Variants in MTRF1 observed in about 807,000 individuals in gnomAD.
The protein encoded by MTRF1 is peptide chain release factor 1, mitochondrial.
MTRF1 carries 51 observed loss-of-function variants against 62.9 expected under a neutral mutation model. The ratio of observed to expected loss-of-function variants is 0.81; its 90% CI spans 0.65 to 1.02. The LOEUF (loss-of-function observed/expected upper bound fraction) is 1.02. Ranked by LOEUF, MTRF1 falls within the 50% of genes least tolerant of loss-of-function variation. The probability of loss-of-function intolerance (pLI) is 0.00; values close to 1 mark genes in which losing one functional copy is unlikely to be tolerated. For synonymous variants in MTRF1, 158 were observed against 181.9 expected (o/e 0.87, Z 1.06); for missense variants, 446 against 530.0 (o/e 0.84, Z 1.56).
At chr13:41,294,656 G>A in the MTRF1 span, among the ~76,000 whole-genome samples, 6 of 152,046 alleles carry the variant, frequency 3.9e-5, no homozygotes, top group African/African-American at 1.4e-4. Context: ...AACTTTATAT[G>A]GTAAATTTGT....
At position 41,232,369 on chromosome 13, in the gene MTRF1, G is replaced by A. The variant is rs139126797; in HGVS notation, c.988+1521C>T. Among the ~76,000 whole-genome samples, 829 of 152,184 alleles carry A rather than the reference G, an allele frequency of 5.4e-3. 8 individuals are homozygous for A. The highest frequency in any genetic ancestry group is 0.018 in the African/African-American group (747 of 41,538). On this transcript the variant is annotated intron_variant, in intron 7 of 9. Transcript: ENST00000379480. ...CAATATGAGGAAAAAACAAATTCAA[G>A]AGGTCTAATATCTAACTAATAGAAA...
chr13:41,224,260 G>A (rs1395205111), intron 8 of MTRF1, among the ~76,000 whole-genome samples: 1 of 152,020 alleles, frequency 6.6e-6, no homozygotes, highest in East Asian at 1.9e-4. Context: ...CACTGTACTT[G>A]GAATGTTCTT....
intron 1 of MTRF1, among the ~76,000 whole-genome samples, 171 bp from the exon 2 acceptor site, chr13:41,261,086 C>G (rs1358620193): frequency 6.6e-6 from 1 of 152,234 alleles, no homozygotes; most frequent in African/African-American, 2.4e-5. Flanking sequence ...GTAATCCCAG[C>G]ACTTTGGGAG....
rs750031045 is a variant in MTRF1, at chr13:41,252,772, AT to A, written c.590-21del. On this transcript the variant is annotated intron_variant, in intron 4 of 9. Transcript: ENST00000379480. ...TGTCACCTAAAACAAAATACGAAAA[AT>A]ATTTAGTCAGGACAAATTTCGGAAA... 6.8e-6 allele frequency: 11 copies of A among 1,605,930 alleles called. No homozygotes were observed. Among genetic ancestry groups the A allele is most frequent in the Non-Finnish European group, 9.4e-6 (11 of 1,173,446 alleles).
chr13:41,225,766 G>A (rs918490095), intron 8 of MTRF1, among the ~76,000 whole-genome samples: 23 of 143,028 alleles, frequency 1.6e-4, no homozygotes, highest in Non-Finnish European at 2.7e-4. Flanking sequence ...CCAAGATTAC[G>A]CCACTGCACT....
intron 9 of MTRF1, among the ~76,000 whole-genome samples, chr13:41,218,846 G>A (rs1353088898): frequency 7.9e-5 from 12 of 152,088 alleles, no homozygotes; most frequent in Non-Finnish European, 1.8e-4. Flanking sequence ...TTAAGGTAAA[G>A]GATATATCTT....
At chr13:41,251,392 C>T (rs2039042991) in intron 5 of MTRF1, among the ~76,000 whole-genome samples, 1 of 152,116 alleles carries the variant, frequency 6.6e-6, no homozygotes, top group Non-Finnish European at 1.5e-5. Flanking sequence ...ATGCAATTTT[C>T]AACAGCTTCC....
chr13:41,256,770 G>A lies in MTRF1; in HGVS notation c.416-2150C>T, dbSNP rs115727194. Among the ~76,000 whole-genome samples, 1,438 of 152,164 alleles carry A rather than the reference G, an allele frequency of 9.5e-3. 21 individuals are homozygous for A. Among genetic ancestry groups the A allele is most frequent in the African/African-American group, 0.033 (1,354 of 41,508 alleles). ...TTTGCAATCATATAAAATTATTTTT[G>A]TGTTCTCTTATTATTTGCTGTAAAC... On this transcript the variant is annotated intron_variant, in intron 2 of 9. Coordinates refer to ENST00000379480, the MANE Select transcript of MTRF1 (RefSeq NM_004294.4).
At chr13:41,290,089 CTTTTTTT>C in the MTRF1 span, among the ~76,000 whole-genome samples, 14 of 78,496 alleles carry the variant, frequency 1.8e-4, no homozygotes, top group African/African-American at 2.5e-4. Flanking sequence ...TGTAATAGTT[CTTTTTTT>C]TTTTTTTTTT....
chr13:41,241,698 A>T (rs1275643217), intron 5 of MTRF1, among the ~76,000 whole-genome samples: 1 of 152,214 alleles, frequency 6.6e-6, no homozygotes, highest in Non-Finnish European at 1.5e-5. Context: ...TTTCCTACAA[A>T]TGATCTGGTG....
chr13:41,289,522 C>T, the MTRF1 span, among the ~76,000 whole-genome samples: 4 of 152,166 alleles, frequency 2.6e-5, no homozygotes, highest in Non-Finnish European at 5.9e-5. Context: ...AGGCGTGAGC[C>T]GCCGTGCCCA....
chr13:41,266,725 G>T (rs1418138936), upstream of MTRF1, among the ~76,000 whole-genome samples: 1 of 152,100 alleles, frequency 6.6e-6, no homozygotes, highest in African/African-American at 2.4e-5. Flanking sequence ...CGGGCGCAGT[G>T]GCTCACGCCT....
At chr13:41,225,584 T>C (rs1193292647) in intron 8 of MTRF1, among the ~76,000 whole-genome samples, 2 of 152,092 alleles carry the variant, frequency 1.3e-5, no homozygotes, top group African/African-American at 4.8e-5. Flanking sequence ...AGATGAAAAG[T>C]ATAACTAATG....
At chr13:41,302,174 C>T in the MTRF1 span, among the ~76,000 whole-genome samples, 3 of 151,836 alleles carry the variant, frequency 2.0e-5, no homozygotes, top group Admixed American at 6.6e-5. Context: ...TTACAGGTAC[C>T]CACCACCACC....
At chr13:41,280,839 T>C in the MTRF1 span, among the ~76,000 whole-genome samples, 1 of 152,208 alleles carries the variant, frequency 6.6e-6, no homozygotes, top group Non-Finnish European at 1.5e-5. Context: ...ATCAGGTCCC[T>C]AGGAATCCTG....
the MTRF1 span, among the ~76,000 whole-genome samples, chr13:41,278,422 C>G: frequency 9.2e-5 from 14 of 152,022 alleles, no homozygotes; most frequent in African/African-American, 2.9e-4. Flanking sequence ...TAAATACCCC[C>G]TAGGATTCCA....
chr13:41,271,491 T>C, the MTRF1 span, among the ~76,000 whole-genome samples: 4 of 152,162 alleles, frequency 2.6e-5, no homozygotes, highest in African/African-American at 2.4e-5. Context: ...AGTGGATCGA[T>C]GTGTGCTGCT....
At chr13:41,291,759 A>G in the MTRF1 span, among the ~76,000 whole-genome samples, 7 of 152,332 alleles carry the variant, frequency 4.6e-5, no homozygotes, top group South Asian at 1.2e-3. Flanking sequence ...TGAGATTGTT[A>G]AAATACAGAT....
the MTRF1 span, among the ~76,000 whole-genome samples, chr13:41,270,703 ATATAAAT>A: frequency 6.6e-6 from 1 of 151,962 alleles, no homozygotes; most frequent in African/African-American, 2.4e-5. Context: ...ACATAAAACT[ATATAAAT>A]TATAAAGGCT....
Sources: gnomAD v4.1 joint callset for allele counts (sites outside exome capture counted in the v4.1 genomes callset) on GRCh38, gnomAD v4.1.1 for gene constraint, MANE v1.5 for transcripts, NCBI Gene and HGNC (gene_info 2026-07-23, HGNC 2026-07-21) for gene names.